Variants in ZNF385D observed in about 807,000 individuals in gnomAD.
ZNF385D encodes zinc finger protein 385D, also known as zinc finger protein 659.
In ZNF385D, 15 loss-of-function variants were observed where a neutral mutation model predicts 35.8. The ratio of observed to expected loss-of-function variants is 0.42; its 90% CI spans 0.28 to 0.64. The LOEUF is 0.64. ZNF385D is among the 30% of genes least tolerant of loss of function. The pLI is 0.23. For synonymous variants in ZNF385D, 212 were observed against 186.8 expected (o/e 1.13, Z -1.10); for missense variants, 474 against 494.6 (o/e 0.96, Z 0.39).
At chr3:21,926,856 A>G (rs776469182) in intron 3 of ZNF385D, among the ~76,000 whole-genome samples, 1 of 152,194 alleles carries the variant, frequency 6.6e-6, no homozygotes, top group Non-Finnish European at 1.5e-5. Context: ...CATCAGAGTG[A>G]AAAGGCAATC....
At chr3:22,267,166 C>T (rs140698245) in intron 2 of ZNF385D, among the ~76,000 whole-genome samples, 33 of 152,012 alleles carry the variant, frequency 2.2e-4, no homozygotes, top group South Asian at 8.3e-4. Context: ...GTTCAACTTG[C>T]ATCAAACATC....
At chr3:21,684,388 CTCTCTCTCTCTCTCTCCTCT>C (rs1233875540) in intron 1 of ZNF385D, among the ~76,000 whole-genome samples, 3 of 86,964 alleles carry the variant, frequency 3.4e-5, no homozygotes, top group Admixed American at 1.3e-4. Flanking sequence ...CTCTCTCTCT[CTCTCTCTCTCTCTCTCCTCT>C]CTCTCTCTCT....
At chr3:22,069,758 A>G (rs1321452493) in intron 3 of ZNF385D, among the ~76,000 whole-genome samples, 1 of 152,172 alleles carries the variant, frequency 6.6e-6, no homozygotes, top group African/African-American at 2.4e-5. Flanking sequence ...TGATAAGTCA[A>G]CTGGGACTCC....
chr3:21,969,233 G>C (rs2125336357), intron 3 of ZNF385D, among the ~76,000 whole-genome samples: 1 of 152,228 alleles, frequency 6.6e-6, no homozygotes, highest in Non-Finnish European at 1.5e-5. Flanking sequence ...GATATGTTTA[G>C]GCTTTGTGCC....
chr3:21,435,428 T>A (rs2125229140), intron 5 of ZNF385D, among the ~76,000 whole-genome samples: 1 of 152,030 alleles, frequency 6.6e-6, no homozygotes, highest in Non-Finnish European at 1.5e-5. Flanking sequence ...CAGCTAACAT[T>A]TTTTTTCATA....
At chr3:22,355,461 A>G (rs1472150916) in intron 2 of ZNF385D, among the ~76,000 whole-genome samples, 1 of 152,010 alleles carries the variant, frequency 6.6e-6, no homozygotes, top group African/African-American at 2.4e-5. Context: ...AACGTATGAT[A>G]TAATAAATAA....
At chr3:21,909,156 T>C (rs537485954) in intron 3 of ZNF385D, among the ~76,000 whole-genome samples, 2 of 152,174 alleles carry the variant, frequency 1.3e-5, no homozygotes, top group Non-Finnish European at 2.9e-5. Context: ...TACAGAATGG[T>C]TGTGTCCTGT....
chr3:22,060,150 T>C (rs1699616970), intron 3 of ZNF385D, among the ~76,000 whole-genome samples: 1 of 152,184 alleles, frequency 6.6e-6, no homozygotes, highest in Non-Finnish European at 1.5e-5. Flanking sequence ...ATTCCCAGCC[T>C]TTTAAATTTG....
At chr3:21,744,394 G>T in intron 1 of ZNF385D, among the ~76,000 whole-genome samples, 1 of 152,198 alleles carries the variant, frequency 6.6e-6, no homozygotes, top group East Asian at 1.9e-4. Flanking sequence ...ATGAAAAAAG[G>T]TAAGTGTGAA....
intron 3 of ZNF385D, among the ~76,000 whole-genome samples, chr3:22,087,573 T>A (rs908687554): frequency 6.6e-6 from 1 of 152,142 alleles, no homozygotes; most frequent in African/African-American, 2.4e-5. Context: ...AGGTGGAAAT[T>A]AGTTATTAGT....
intron 3 of ZNF385D, among the ~76,000 whole-genome samples, chr3:22,029,452 G>T (rs998707025): frequency 6.6e-6 from 1 of 152,174 alleles, no homozygotes; most frequent in Admixed American, 6.5e-5. Flanking sequence ...GAAAAAACCC[G>T]CGACCTGCTG....
chr3:21,723,035 C>T (rs1294269545), intron 1 of ZNF385D, among the ~76,000 whole-genome samples: 1 of 152,156 alleles, frequency 6.6e-6, no homozygotes, highest in East Asian at 1.9e-4. Flanking sequence ...AGAGCTGAGC[C>T]TGCTCATGTT....
chr3:22,315,245 C>G (rs1272724856), intron 2 of ZNF385D, among the ~76,000 whole-genome samples: 1 of 152,150 alleles, frequency 6.6e-6, no homozygotes, highest in East Asian at 1.9e-4. Context: ...TTAACGAAGA[C>G]AAGTCAGACT....
chr3:22,025,444 A>G (rs927049629), intron 3 of ZNF385D, among the ~76,000 whole-genome samples: 3 of 152,128 alleles, frequency 2.0e-5, no homozygotes, highest in African/African-American at 7.2e-5. Flanking sequence ...GAGTTCTCTA[A>G]TCTATATAAA....
At chr3:22,214,312 G>C (rs1011962415) in intron 2 of ZNF385D, among the ~76,000 whole-genome samples, 15 of 151,970 alleles carry the variant, frequency 9.9e-5, no homozygotes, top group African/African-American at 3.4e-4. Context: ...AAGCTGAGGA[G>C]GATGTATGTC....
chr3:21,932,581 G>T (rs961905528), intron 3 of ZNF385D, among the ~76,000 whole-genome samples: 4 of 151,792 alleles, frequency 2.6e-5, no homozygotes, highest in Non-Finnish European at 5.9e-5. Flanking sequence ...TGATTACGTG[G>T]GGAGACAAAA....
intron 3 of ZNF385D, among the ~76,000 whole-genome samples, chr3:22,061,185 T>G (rs1699667981): frequency 6.6e-6 from 1 of 152,184 alleles, no homozygotes; most frequent in South Asian, 2.1e-4. Context: ...TTTCTGAAAT[T>G]CCTTCTGTGG....
chr3:21,801,591 G>A (rs2072406211), intron 3 of ZNF385D, among the ~76,000 whole-genome samples: 1 of 152,074 alleles, frequency 6.6e-6, no homozygotes, highest in South Asian at 2.1e-4. Flanking sequence ...TGGCCAAAAC[G>A]TTCACATTCT....
intron 1 of ZNF385D, among the ~76,000 whole-genome samples, chr3:21,749,036 T>G (rs936861572): frequency 6.6e-6 from 1 of 152,232 alleles, no homozygotes; most frequent in Admixed American, 6.5e-5. Context: ...ACATAGGATT[T>G]CCTCTGGGAG....
Sources: gnomAD v4.1 joint callset for allele counts (sites outside exome capture counted in the v4.1 genomes callset) on GRCh38, gnomAD v4.1.1 for gene constraint, MANE v1.5 for transcripts, NCBI Gene and HGNC (gene_info 2026-07-23, HGNC 2026-07-21) for gene names.